Variants in RPS6KA4 observed in about 807,000 individuals in gnomAD.
RPS6KA4 encodes ribosomal protein S6 kinase alpha-4.
In RPS6KA4, 38 loss-of-function variants were observed where a neutral mutation model predicts 89.6. The ratio of observed to expected loss-of-function variants is 0.42; its 90% CI spans 0.33 to 0.56. RPS6KA4 has a LOEUF of 0.56. RPS6KA4 is among the 20% of genes least tolerant of loss of function. The pLI is 0.07. For missense variants in RPS6KA4, 873 were observed against 1,098.8 expected, an observed-to-expected ratio of 0.79 and a Z score of 2.90; for synonymous variants, 495 against 492.8, an observed-to-expected ratio of 1.00 and a Z score of -0.06.
chr11:64,368,851 T>C (rs1037273017), intron 12 of RPS6KA4, 54 bp downstream of exon 12: 114 of 1,468,410 alleles, frequency 7.8e-5, no homozygotes, highest in Non-Finnish European at 1.0e-4. Context: ...GCGGCGGGGC[T>C]TGGGGGCACT....
intron 12 of RPS6KA4, among the ~76,000 whole-genome samples, chr11:64,369,181 C>T (rs570713756): frequency 6.6e-6 from 1 of 152,260 alleles, no homozygotes; most frequent in African/African-American, 2.4e-5. Flanking sequence ...ATCCCAGCTA[C>T]TTGGGAGGCT....
At chr11:64,360,034 C>A in intron 2 of RPS6KA4, 129 bp from the exon 3 acceptor site, 1 of 859,424 alleles carries the variant, frequency 1.2e-6, no homozygotes, top group Non-Finnish European at 1.8e-6. Flanking sequence ...GCTTTTTGCA[C>A]ACCTGCCTGT....
chr11:64,359,364 C>T lies in RPS6KA4; in HGVS notation c.56-14C>T, dbSNP rs757000002. 2 of 1,612,610 alleles carry T rather than the reference C, an allele frequency of 1.2e-6. No homozygotes were observed. The highest frequency in any genetic ancestry group is 1.7e-4 in the Middle Eastern group (1 of 6,044). On this transcript the variant is annotated splice_polypyrimidine_tract_variant and intron_variant, in intron 1 of 16. Coordinates refer to ENST00000334205, the MANE Select transcript of RPS6KA4 (RefSeq NM_003942.3). ...CATGGACCGGCTGGGCTCATTCGCC[C>T]CCTGTGCCCACAGCCAACCTGACCG...
rs2036747014 is a variant in RPS6KA4 at position 64,361,462 on chromosome 11, C to T, written c.571-7C>T. The T allele has an allele frequency of 1.9e-6, 3 of 1,613,964 alleles. No homozygotes were observed. Among genetic ancestry groups the T allele is most frequent in the Non-Finnish European group, 2.5e-6 (3 of 1,180,020 alleles). The stretch of plus-strand genomic sequence containing the variant: ...CGACATCTAAGCAGGACCTCTTGCC[C>T]TCCCAGAAAGAGCGGACCTTCTCCT... On this transcript the variant is annotated splice_polypyrimidine_tract_variant and splice_region_variant and intron_variant, in intron 5 of 16. Transcript: ENST00000334205. The surrounding 1 kb of genome is among the most constrained non-coding windows in gnomAD (Gnocchi z 4.7).
At chr11:64,360,660 C>A (rs182591657) in intron 4 of RPS6KA4, 68 bp downstream of exon 4, 1 of 1,369,008 alleles carries the variant, frequency 7.3e-7, no homozygotes, top group Non-Finnish European at 1.0e-6. Context: ...GGAATCTGCA[C>A]GCAGGGCAGC....
At position 64,370,513 on chromosome 11, in the gene RPS6KA4, C is replaced by A. The variant is rs976462217; in HGVS notation, c.1958-50C>A. 128 of 1,593,284 alleles carry A rather than the reference C, an allele frequency of 8.0e-5. No homozygotes were observed. Among genetic ancestry groups the A allele is most frequent in the Non-Finnish European group, 1.1e-4 (126 of 1,171,116 alleles). Reference sequence around the variant, plus strand: ...TGGGGCTGTTACGATCTCTTTGGGGCTCAGCCTTTACGCCAGGCTCCTCCC... The same window carrying A: ...TGGGGCTGTTACGATCTCTTTGGGGATCAGCCTTTACGCCAGGCTCCTCCC... On this transcript the variant is annotated intron_variant, in intron 15 of 16. Transcript: ENST00000334205. This position sits in a 1 kb window ranked among gnomAD's most constrained non-coding sequence, Gnocchi z 4.1.
chr11:64,360,751 AG>A, intron 4 of RPS6KA4, 159 bp downstream of exon 4: 5 of 655,172 alleles, frequency 7.6e-6, no homozygotes, highest in Non-Finnish European at 1.3e-5. Flanking sequence ...GACCCCTTGC[AG>A]GAAGCCTCAA....
At position 64,361,017 on chromosome 11, in the gene RPS6KA4, C is replaced by G; in HGVS notation, c.463-117C>G. 1.3e-6 allele frequency: 1 copy of G among 752,242 alleles called. No homozygotes were observed. The highest frequency in any genetic ancestry group is 1.8e-5 in the South Asian group (1 of 55,810). The allele number at this position is 752,242 out of a possible 1,614,324, so 46.6% of individuals were successfully genotyped here. A position where few individuals can be genotyped will look rare whatever the true frequency, so the allele number is the denominator to read the frequency against. On this transcript the variant is annotated intron_variant, in intron 4 of 16. Coordinates refer to ENST00000334205, the MANE Select transcript of RPS6KA4 (RefSeq NM_003942.3). The surrounding 1 kb of genome is among the most constrained non-coding windows in gnomAD (Gnocchi z 4.7). The stretch of plus-strand genomic sequence containing the variant: ...TCAGTGGCTCTGCCCTGGAGACCCC[C>G]TCTACAGGCAGATGACTTTCTCTGG...
At chr11:64,359,990 G>A (rs2036698347) in intron 2 of RPS6KA4, among the ~76,000 whole-genome samples, 173 bp from the exon 3 acceptor site, 2 of 152,062 alleles carry the variant, frequency 1.3e-5, no homozygotes, top group South Asian at 4.1e-4. Context: ...ACCCTCCCGG[G>A]GTGTGCACAC....
intron 9 of RPS6KA4, among the ~76,000 whole-genome samples, chr11:64,366,261 C>CAG (rs1167577509): frequency 6.6e-6 from 1 of 151,706 alleles, no homozygotes; most frequent in Non-Finnish European, 1.5e-5. Context: ...ATCTCTGCCT[C>CAG]ACGGGTTCAA....
chr11:64,362,491 G>T (rs1225970093), intron 8 of RPS6KA4, among the ~76,000 whole-genome samples: 3 of 152,332 alleles, frequency 2.0e-5, no homozygotes, highest in South Asian at 4.1e-4. Context: ...ATGGGTGTTT[G>T]CTCACTTGTT....
chr11:64,370,620 C>T lies in RPS6KA4; in HGVS notation c.2015C>T (p.Ser672Leu), dbSNP rs2037037503. The change falls in exon 16 of 17, where the codon TCG becomes TTG. Residue 672 changes from serine to leucine, a missense_variant. Physicochemically the swap from Ser to Leu is moderately radical, Grantham distance 145. Around this residue, in one of 4 missense-constraint regions of RPS6KA4, gnomAD observed 278 missense variants for 284.8 expected, o/e 0.98. Transcript: ENST00000334205. The surrounding 1 kb of genome is among the most constrained non-coding windows in gnomAD (Gnocchi z 4.1). Reference protein sequence around the residue: ...RLKLEGLRGSSWLQDGSARSS... With the variant: ...RLKLEGLRGSLWLQDGSARSS... ...AAGCTCGAGGGACTGCGGGGCAGCT[C>T]GTGGCTGCAGGACGGCAGCGCGCGC... 1.9e-6 allele frequency: 3 copies of T among 1,582,974 alleles called. No individual in the cohort carries two copies. Among genetic ancestry groups the T allele is most frequent in the African/African-American group, 1.3e-5 (1 of 74,648 alleles).
chr11:64,371,449 G>T lies in RPS6KA4; in HGVS notation c.2288G>T (p.Arg763Leu), dbSNP rs1313744795. ...CCCGTCGCCTCCAAAGGGGCCCCCC[G>T]CCGAGCCAACGGCCCCCTGCCCCCC... is the stretch of plus-strand genomic sequence containing the variant. ...RAPVASKGAP[R>L]RANGPLPPS Residue 763 changes from arginine to leucine, a missense_variant, in exon 17 of 17, where the codon CGC becomes CTC. By Grantham distance (102) the Arg-to-Leu change is moderately radical. Transcript: ENST00000334205. 6.6e-7 allele frequency: 1 copy of T among 1,524,726 alleles called. No homozygotes were observed. Among genetic ancestry groups the T allele is most frequent in the African/African-American group, 1.6e-5 (1 of 64,342 alleles). 94.4% of individuals were successfully genotyped at this position (1,524,726 alleles called of 1,614,324 possible).
intron 8 of RPS6KA4, among the ~76,000 whole-genome samples, chr11:64,364,443 G>T (rs1565070065): frequency 6.6e-6 from 1 of 152,158 alleles, no homozygotes; most frequent in Non-Finnish European, 1.5e-5. Flanking sequence ...TAAAACTGGG[G>T]CTATGGTACT....
rs2036765625 is a variant in RPS6KA4, at chr11:64,361,947, G to A, written c.851G>A (p.Arg284Gln). The A allele has an allele frequency of 6.2e-7, 1 of 1,610,680 alleles. No homozygotes were observed. Among genetic ancestry groups the A allele is most frequent in the Non-Finnish European group, 8.5e-7 (1 of 1,179,110 alleles). ...CTGCTTTGTAAGGATCCTAAGAAGCGATTGGGCGCGGGGCCCCAGGGGGCA... is the reference window on the plus strand; with the variant it reads ...CTGCTTTGTAAGGATCCTAAGAAGCAATTGGGCGCGGGGCCCCAGGGGGCA... ...QRLLCKDPKK[R>Q]LGAGPQGAQE... Residue 284 changes from arginine (R) to glutamine (Q), a missense_variant, in exon 8 of 17, where the codon CGA (arginine) becomes CAA (glutamine). Coordinates refer to ENST00000334205, the MANE Select transcript of RPS6KA4 (RefSeq NM_003942.3). This position sits in a 1 kb window ranked among gnomAD's most constrained non-coding sequence, Gnocchi z 4.7.
Position 64,360,092 on chromosome 11 carries a change from G to A in RPS6KA4, c.128-71G>A. 3 of 1,417,316 alleles carry A rather than the reference G, an allele frequency of 2.1e-6. No homozygotes were observed. In the South Asian group the frequency reaches 4.1e-5, roughly 19 times the overall value. 87.8% of individuals were successfully genotyped at this position (1,417,316 alleles called of 1,614,324 possible). ...TTGCACACCCTCCTGGGTTGGCATC[G>A]CCCCCACCCCCCAAGCCTGCACCAA... On this transcript the variant is annotated intron_variant, in intron 2 of 16. Coordinates refer to ENST00000334205, the MANE Select transcript of RPS6KA4 (RefSeq NM_003942.3).
Position 64,371,545 on chromosome 11 carries a change from AGGCCT to A in RPS6KA4, c.*66_*70del, listed in dbSNP as rs2037078287. ...ACCTGGGAGCCCGGCTCACTCCCGG[AGGCCT>A]CTGCCTGCGGCTGACCTGATCCCCA... On this transcript the variant is annotated 3_prime_UTR_variant, in exon 17 of 17. Coordinates refer to ENST00000334205, the MANE Select transcript of RPS6KA4 (RefSeq NM_003942.3). 1 of 678,036 alleles carries A rather than the reference AGGCCT, an allele frequency of 1.5e-6. No homozygotes were observed. Among genetic ancestry groups the A allele is most frequent in the African/African-American group, 1.8e-5 (1 of 55,246 alleles). The allele number at this position is 678,036 out of a possible 1,614,324, so 42.0% of individuals were successfully genotyped here.
chr11:64,371,156 TG>T, intron 16 of RPS6KA4, 126 bp from the exon 17 acceptor site: 1 of 746,660 alleles, frequency 1.3e-6, no homozygotes, highest in Non-Finnish European at 2.2e-6. Context: ...GTGGTCGGTC[TG>T]GAGGCCAAGG....
Position 64,369,877 on chromosome 11 carries a change from G to T in RPS6KA4, c.1781G>T (p.Ser594Ile), listed in dbSNP as rs1436083596. ...TACGACGAGTCCTGCGACCTCTGGA[G>T]CCTGGGCGTCATTCTGGTATGGGAC... is the stretch of plus-strand genomic sequence containing the variant. The part of the protein sequence containing the change: ...QGYDESCDLW[S>I]LGVILYMMLS... Residue 594 changes from serine (S) to isoleucine (I), a missense_variant, in exon 14 of 17, where the codon AGC becomes ATC. Coordinates refer to ENST00000334205, the MANE Select transcript of RPS6KA4 (RefSeq NM_003942.3). The T allele has an allele frequency of 1.3e-6, 2 of 1,548,182 alleles. No individual in the cohort carries two copies. Among genetic ancestry groups the T allele is most frequent in the Non-Finnish European group, 1.7e-6 (2 of 1,145,506 alleles).
Sources: gnomAD v4.1 joint callset for allele counts (sites outside exome capture counted in the v4.1 genomes callset) on GRCh38, gnomAD v4.1.1 for gene constraint, gnomAD v4.1.1 regional missense constraint, Gnocchi (gnomAD v3.1) non-coding constraint, MANE v1.5 for transcripts, NCBI Gene and HGNC (gene_info 2026-07-23, HGNC 2026-07-21) for gene names.